CSMD3: variants seen among roughly 807,000 people sequenced by gnomAD.
CSMD3 encodes CUB and sushi domain-containing protein 3.
In CSMD3, 177 loss-of-function variants were observed where a neutral mutation model predicts 435.2. That is an observed-to-expected ratio of 0.41 (90% CI 0.36 to 0.46). CSMD3 has a LOEUF of 0.46. Ranked by LOEUF, CSMD3 falls within the 20% of genes least tolerant of loss-of-function variation. CSMD3 has a pLI of 0.34. For synonymous variants in CSMD3, 1,656 were observed against 1,520.5 expected (o/e 1.09, Z -2.07); for missense variants, 4,265 against 4,504.6 (o/e 0.95, Z 1.52).
chr8:113,190,001 G>C (rs1311801658), intron 3 of CSMD3, among the ~76,000 whole-genome samples: 1 of 151,520 alleles, frequency 6.6e-6, no homozygotes, highest in Non-Finnish European at 1.5e-5. Flanking sequence ...TAAGCTTTTA[G>C]AAATGACTCT....
intron 58 of CSMD3, among the ~76,000 whole-genome samples, chr8:112,284,423 T>A (rs1022638369): frequency 4.6e-4 from 70 of 151,824 alleles, no homozygotes; most frequent in African/African-American, 1.4e-3. Context: ...CCTAGTATTA[T>A]TTTTTTGTGT....
At chr8:112,281,022 A>G (rs1818573706) in intron 59 of CSMD3, 152 bp downstream of exon 59, 1 of 641,312 alleles carries the variant, frequency 1.6e-6, no homozygotes, top group African/African-American at 1.8e-5. Flanking sequence ...ACACTCAGCC[A>G]TGGTAACTAC....
At chr8:112,711,620 A>C (rs1174997242) in intron 13 of CSMD3, among the ~76,000 whole-genome samples, 1 of 152,228 alleles carries the variant, frequency 6.6e-6, no homozygotes, top group Non-Finnish European at 1.5e-5. Context: ...TACACTGATT[A>C]GTTATAACAG....
chr8:112,616,515 T>C (rs995797850), intron 22 of CSMD3, among the ~76,000 whole-genome samples: 13 of 152,108 alleles, frequency 8.5e-5, no homozygotes, highest in Admixed American at 2.0e-4. Flanking sequence ...AGTAGTCAAG[T>C]AGTCCCTCAC....
intron 32 of CSMD3, among the ~76,000 whole-genome samples, chr8:112,413,235 A>G (rs1222307540): frequency 1.3e-5 from 2 of 152,166 alleles, no homozygotes; most frequent in Non-Finnish European, 2.9e-5. Context: ...AAGGCAGTGT[A>G]TCTATCTACT....
At chr8:112,416,565 G>A (rs892822863) in intron 32 of CSMD3, among the ~76,000 whole-genome samples, 73 of 152,190 alleles carry the variant, frequency 4.8e-4, no homozygotes, top group African/African-American at 1.7e-3. Flanking sequence ...TTTAATTTTT[G>A]AGCCATCAAA....
intron 6 of CSMD3, among the ~76,000 whole-genome samples, chr8:112,979,885 CTATT>C (rs2084985950): frequency 6.6e-6 from 1 of 150,870 alleles, no homozygotes; most frequent in African/African-American, 2.4e-5. Flanking sequence ...TTTAATAATG[CTATT>C]TAACAAAATA....
intron 27 of CSMD3, among the ~76,000 whole-genome samples, chr8:112,520,265 C>T (rs899411224): frequency 6.6e-6 from 1 of 152,042 alleles, no homozygotes; most frequent in Non-Finnish European, 1.5e-5. Flanking sequence ...ACTTGACTAG[C>T]AGCTCAGTTT....
chr8:112,522,007 A>G (rs1824338116), intron 27 of CSMD3, among the ~76,000 whole-genome samples: 1 of 151,716 alleles, frequency 6.6e-6, no homozygotes, highest in African/African-American at 2.4e-5. Context: ...AAAATATAAA[A>G]TCTTCTAATT....
chr8:113,427,911 A>G (rs190352730), intron 1 of CSMD3, among the ~76,000 whole-genome samples: 4 of 151,768 alleles, frequency 2.6e-5, no homozygotes, highest in Admixed American at 2.6e-4. Flanking sequence ...AAGTTCATAA[A>G]TTTATCTGCA....
intron 7 of CSMD3, among the ~76,000 whole-genome samples, chr8:112,960,260 G>A (rs1300734951): frequency 6.6e-6 from 1 of 151,228 alleles, no homozygotes; most frequent in African/African-American, 2.4e-5. Flanking sequence ...GGCTGCTAAT[G>A]ATGACTTCTT....
intron 5 of CSMD3, among the ~76,000 whole-genome samples, chr8:113,086,262 G>C (rs1439439099): frequency 1.4e-5 from 2 of 145,768 alleles, no homozygotes; most frequent in African/African-American, 2.5e-5. Context: ...AAAAAAAAAA[G>C]AGCCAACCAA....
At chr8:112,835,345 C>A (rs1013058545) in intron 11 of CSMD3, among the ~76,000 whole-genome samples, 2 of 151,910 alleles carry the variant, frequency 1.3e-5, no homozygotes, top group African/African-American at 2.4e-5. Flanking sequence ...GGAATTCCCA[C>A]TTAATACCCA....
chr8:112,853,580 T>A (rs543061166), intron 11 of CSMD3, among the ~76,000 whole-genome samples: 1 of 152,236 alleles, frequency 6.6e-6, no homozygotes. Flanking sequence ...TTCTTTGAGA[T>A]CTTTCAGTCT....
chr8:112,724,148 A>G (rs2076917999), intron 13 of CSMD3, among the ~76,000 whole-genome samples: 1 of 151,994 alleles, frequency 6.6e-6, no homozygotes, highest in African/African-American at 2.4e-5. Context: ...AATTTTTATT[A>G]TAGTGAGTAA....
chr8:113,383,249 G>T (rs1056874310), intron 1 of CSMD3, among the ~76,000 whole-genome samples: 8 of 152,130 alleles, frequency 5.3e-5, no homozygotes, highest in African/African-American at 1.9e-4. Context: ...GATGGGCAGG[G>T]ATGGGATCAG....
chr8:112,899,133 C>G (rs1351127897), intron 10 of CSMD3, among the ~76,000 whole-genome samples: 1 of 151,052 alleles, frequency 6.6e-6, no homozygotes, highest in Non-Finnish European at 1.5e-5. Context: ...GTTTTAAATC[C>G]TTAATTTTAA....
At chr8:112,727,856 T>C (rs551879558) in intron 13 of CSMD3, among the ~76,000 whole-genome samples, 7 of 151,996 alleles carry the variant, frequency 4.6e-5, no homozygotes, top group African/African-American at 1.7e-4. Context: ...GAATTCATTC[T>C]ATGTGAAGTA....
intron 13 of CSMD3, among the ~76,000 whole-genome samples, chr8:112,716,250 A>C (rs1027517638): frequency 4.6e-5 from 7 of 152,216 alleles, no homozygotes; most frequent in African/African-American, 1.7e-4. Context: ...ATCAACGTGC[A>C]AAAATCACAA....
Sources: allele counts gnomAD v4.1 joint callset (sites outside exome capture counted in the v4.1 genomes callset), GRCh38; gene constraint gnomAD v4.1.1; transcripts MANE v1.5; gene names NCBI Gene and HGNC (gene_info 2026-07-23, HGNC 2026-07-21).